Variants in KCNQ1OT1 observed in about 807,000 individuals in gnomAD.
KCNQ1OT1 encodes KCNQ1 opposite strand/antisense transcript 1, also known as KCNQ1 antisense RNA 2 (non-protein coding).
At chr11:2,632,200 A>G (rs975554051) in exon 1 of KCNQ1OT1, 20 of 397,834 alleles carry the variant, frequency 5.0e-5, no homozygotes, top group South Asian at 2.6e-4. Flanking sequence ...AAAAAAAAAA[A>G]AAAGAAATGC....
chr11:2,609,316 CAT>C lies in KCNQ1OT1; in HGVS notation n.90677_90678del, dbSNP rs1263527036. On this transcript the variant is annotated non_coding_transcript_exon_variant, in exon 1 of 1. Coordinates refer to ENST00000597346, the Ensembl canonical transcript of KCNQ1OT1. ...AGAATGTAGTGTTGTTTAATTTCCA[CAT>C]GTGTATGTTTCCCTAATTTCTTTGC... The C allele has an allele frequency of 2.5e-5, 10 of 398,340 alleles. No homozygotes were observed. The Admixed American group carries it at 4.0e-4, about 16-fold the overall frequency. 24.7% of individuals were successfully genotyped at this position (398,340 alleles called of 1,614,324 possible). A position where few individuals can be genotyped will look rare whatever the true frequency, so the allele number is the denominator to read the frequency against.
At chr11:2,699,527 GCTGAGGAGGCC>G (rs1850741070) in exon 1 of KCNQ1OT1, 1 of 335,504 alleles carries the variant, frequency 3.0e-6, no homozygotes, top group East Asian at 5.2e-5. Context: ...AGAGTGCCGC[GCTGAGGAGGCC>G]CAGGGAGGAC....
exon 1 of KCNQ1OT1, chr11:2,640,772 T>C: frequency 2.5e-6 from 1 of 398,582 alleles, no homozygotes; most frequent in Admixed American, 4.4e-5. Flanking sequence ...ACATTATAAA[T>C]TATTTATTCT....
chr11:2,628,669 A>G (rs1849300472), exon 1 of KCNQ1OT1: 3 of 398,134 alleles, frequency 7.5e-6, no homozygotes, highest in African/African-American at 2.1e-5. Flanking sequence ...TTTGCGTTTT[A>G]TTCCTTGTGC....
chr11:2,620,443 T>G lies in KCNQ1OT1; in HGVS notation n.79552A>C, dbSNP rs1849151076. 1 of 289,528 alleles carries G rather than the reference T, an allele frequency of 3.5e-6. No individual in the cohort carries two copies. The highest frequency in any genetic ancestry group is 2.2e-5 in the African/African-American group (1 of 46,128). 17.9% of individuals were successfully genotyped at this position (289,528 alleles called of 1,614,324 possible). On this transcript the variant is annotated non_coding_transcript_exon_variant, in exon 1 of 1. Transcript: ENST00000597346. This position sits in a 1 kb window ranked among gnomAD's most constrained non-coding sequence, Gnocchi z 4.5. ...GTTGGTCAGGCTGGTCTCGAACTCCTGACCTCAGGTGATCCACCCGCCTTG... is the reference window on the plus strand; with the variant it reads ...GTTGGTCAGGCTGGTCTCGAACTCCGGACCTCAGGTGATCCACCCGCCTTG...
At position 2,611,902 on chromosome 11, in the gene KCNQ1OT1, A is replaced by G. The variant is rs139492933; in HGVS notation, n.88093T>C. 584 of 398,536 alleles carry G rather than the reference A, an allele frequency of 1.5e-3. 1 individual carries two copies. Among genetic ancestry groups the G allele is most frequent in the African/African-American group, 0.01 (501 of 48,746 alleles). The allele number at this position is 398,536 out of a possible 1,614,324, so 24.7% of individuals were successfully genotyped here. ...TAAAGTGTAATCTGGAGGTTACAAT[A>G]AGCAGCTTAAGCAAAAACAATCTGC... On this transcript the variant is annotated non_coding_transcript_exon_variant, in exon 1 of 1. Transcript: ENST00000597346. This position sits in a 1 kb window ranked among gnomAD's most constrained non-coding sequence, Gnocchi z 5.3.
chr11:2,625,685 C>T (rs1194648519), exon 1 of KCNQ1OT1: 3 of 397,272 alleles, frequency 7.6e-6, no homozygotes, highest in Non-Finnish European at 1.3e-5. Flanking sequence ...ACATCATTCT[C>T]CTGCCTCCCG....
At position 2,661,921 on chromosome 11, in the gene KCNQ1OT1, GT is replaced by G. The variant is rs1227037407; in HGVS notation, n.38073del. On this transcript the variant is annotated non_coding_transcript_exon_variant, in exon 1 of 1. Coordinates refer to ENST00000597346, the Ensembl canonical transcript of KCNQ1OT1. The surrounding 1 kb of genome is among the most constrained non-coding windows in gnomAD (Gnocchi z 5.9). ...TGGCTCCACAGCACTGGCAGGTTGG[GT>G]GGGAGGCCTAACGTGCTGTCCCCAC... The G allele has an allele frequency of 4.3e-6, 7 of 1,613,720 alleles. No individual in the cohort carries two copies. In the African/African-American group the frequency reaches 8.0e-5, roughly 18 times the overall value.
At chr11:2,686,366 C>T (rs1449322687) in exon 1 of KCNQ1OT1, 1 of 398,582 alleles carries the variant, frequency 2.5e-6, no homozygotes, top group African/African-American at 2.1e-5. Context: ...CTCACTTGGG[C>T]TTATCAGCAG....
In KCNQ1OT1 at chr11:2,652,901, C is replaced by T. The variant is rs1849779345; in HGVS notation, n.47094G>A. 1 of 398,528 alleles carries T rather than the reference C, an allele frequency of 2.5e-6. No individual in the cohort carries two copies. The highest frequency in any genetic ancestry group is 4.4e-6 in the Non-Finnish European group (1 of 226,098). The allele number at this position is 398,528 out of a possible 1,614,324, so 24.7% of individuals were successfully genotyped here. A position where few individuals can be genotyped will look rare whatever the true frequency, so the allele number is the denominator to read the frequency against. ...TGTTTGGGGTGTGGGGTGTGGTCCT[C>T]AGTATCCTAAACTTAGGTTTTGGAA... On this transcript the variant is annotated non_coding_transcript_exon_variant, in exon 1 of 1. Transcript: ENST00000597346. This position sits in a 1 kb window ranked among gnomAD's most constrained non-coding sequence, Gnocchi z 5.9.
Position 2,668,770 on chromosome 11 carries a change from G to T in KCNQ1OT1, n.31225C>A. On this transcript the variant is annotated non_coding_transcript_exon_variant, in exon 1 of 1. Transcript: ENST00000597346. This position sits in a 1 kb window ranked among gnomAD's most constrained non-coding sequence, Gnocchi z 4.3. ...CAGGCTGCCTTCTTCCTCTCTTGATGGTGTCTTTTGATGAACAGAAGGTCT... is the reference window on the plus strand; with the variant it reads ...CAGGCTGCCTTCTTCCTCTCTTGATTGTGTCTTTTGATGAACAGAAGGTCT... The T allele has an allele frequency of 2.5e-6, 1 of 398,518 alleles. No individual in the cohort carries two copies. The highest frequency in any genetic ancestry group is 4.4e-6 in the Non-Finnish European group (1 of 226,056). 24.7% of individuals were successfully genotyped at this position (398,518 alleles called of 1,614,324 possible). A position where few individuals can be genotyped will look rare whatever the true frequency, so the allele number is the denominator to read the frequency against.
chr11:2,665,262 CCCTGAG>C (rs1767044943), exon 1 of KCNQ1OT1: 2 of 398,434 alleles, frequency 5.0e-6, no homozygotes, highest in Admixed American at 4.4e-5. Context: ...GCCTCAAACT[CCCTGAG>C]CCTGTGTCTC....
Position 2,664,743 on chromosome 11 carries a change from A to T in KCNQ1OT1, n.35252T>A. ...GCCCTGGTGTGTGTGAGGGACAGGG[A>T]TGTGTGCTGGGGTCTCACAGGGGGC... On this transcript the variant is annotated non_coding_transcript_exon_variant, in exon 1 of 1. Coordinates refer to ENST00000597346, the Ensembl canonical transcript of KCNQ1OT1. This position sits in a 1 kb window ranked among gnomAD's most constrained non-coding sequence, Gnocchi z 5.1. 5.0e-6 allele frequency: 2 copies of T among 398,726 alleles called. No homozygotes were observed. Among genetic ancestry groups the T allele is most frequent in the Non-Finnish European group, 8.8e-6 (2 of 226,154 alleles). The allele number at this position is 398,726 out of a possible 1,614,324, so 24.7% of individuals were successfully genotyped here. A position where few individuals can be genotyped will look rare whatever the true frequency, so the allele number is the denominator to read the frequency against.
Position 2,627,425 on chromosome 11 carries a change from C to CT in KCNQ1OT1, n.72569dup. The CT allele has an allele frequency of 2.5e-6, 1 of 398,516 alleles. No individual in the cohort carries two copies. The highest frequency in any genetic ancestry group is 4.4e-6 in the Non-Finnish European group (1 of 226,020). The allele number at this position is 398,516 out of a possible 1,614,324, so 24.7% of individuals were successfully genotyped here. On this transcript the variant is annotated non_coding_transcript_exon_variant, in exon 1 of 1. Coordinates refer to ENST00000597346, the Ensembl canonical transcript of KCNQ1OT1. This position sits in a 1 kb window ranked among gnomAD's most constrained non-coding sequence, Gnocchi z 4.9. ...TCAAGAACTTATTCATCTGATAACT[C>CT]TATGTTTGTACCCTTCAACATTTCC...
rs947887752 is a variant in KCNQ1OT1, at chr11:2,663,828, A to G, written n.36167T>C. Reference sequence around the variant, plus strand: ...GGGGGTGAGGGCTGCCAGTGCTGGTATCAGCACATGCCAAGCTCCCTGGAG... The same window carrying G: ...GGGGGTGAGGGCTGCCAGTGCTGGTGTCAGCACATGCCAAGCTCCCTGGAG... On this transcript the variant is annotated non_coding_transcript_exon_variant, in exon 1 of 1. Coordinates refer to ENST00000597346, the Ensembl canonical transcript of KCNQ1OT1. This position sits in a 1 kb window ranked among gnomAD's most constrained non-coding sequence, Gnocchi z 5.2. 5.0e-6 allele frequency: 2 copies of G among 398,462 alleles called. No individual in the cohort carries two copies. Among genetic ancestry groups the G allele is most frequent in the African/African-American group, 2.1e-5 (1 of 48,614 alleles). 24.7% of individuals were successfully genotyped at this position (398,462 alleles called of 1,614,324 possible).
rs1849205783 is a variant in KCNQ1OT1, at chr11:2,623,368, T to G, written n.76627A>C. ...TATAGTATCATACAGATACGTATAT[T>G]TACATATATTTGTACATTTTCACTG... On this transcript the variant is annotated non_coding_transcript_exon_variant, in exon 1 of 1. Transcript: ENST00000597346. The surrounding 1 kb of genome is among the most constrained non-coding windows in gnomAD (Gnocchi z 5.2). 2.5e-6 allele frequency: 1 copy of G among 398,496 alleles called. No individual in the cohort carries two copies. The highest frequency in any genetic ancestry group is 4.4e-5 in the Admixed American group (1 of 22,718). 24.7% of individuals were successfully genotyped at this position (398,496 alleles called of 1,614,324 possible).
In KCNQ1OT1 at chr11:2,620,913, G is replaced by A; in HGVS notation, n.79082C>T. 2.5e-6 allele frequency: 1 copy of A among 395,064 alleles called. No individual in the cohort carries two copies. Among genetic ancestry groups the A allele is most frequent in the Non-Finnish European group, 4.4e-6 (1 of 225,352 alleles). The allele number at this position is 395,064 out of a possible 1,614,324, so 24.5% of individuals were successfully genotyped here. On this transcript the variant is annotated non_coding_transcript_exon_variant, in exon 1 of 1. Coordinates refer to ENST00000597346, the Ensembl canonical transcript of KCNQ1OT1. The surrounding 1 kb of genome is among the most constrained non-coding windows in gnomAD (Gnocchi z 4.5). ...CTGGTGTGAGATGGCATCCCATTAT[G>A]GTTTGGTGTTTTTTTGTTGTTGTTG...
At chr11:2,672,002 G>A in exon 1 of KCNQ1OT1, 1 of 398,652 alleles carries the variant, frequency 2.5e-6, no homozygotes, top group Non-Finnish European at 4.4e-6. Context: ...AAGTCCTCGA[G>A]TGTATGTTGG....
At chr11:2,649,972 CTTCA>C in exon 1 of KCNQ1OT1, 1 of 398,422 alleles carries the variant, frequency 2.5e-6, no homozygotes, top group Non-Finnish European at 4.4e-6. Flanking sequence ...CGCAGGCATT[CTTCA>C]TTCTTTTTTA....
Sources: gnomAD v4.1 joint callset for allele counts on GRCh38, gnomAD v4.1.1 for gene constraint, Gnocchi (gnomAD v3.1) non-coding constraint, MANE v1.5 for transcripts, NCBI Gene and HGNC (gene_info 2026-07-23, HGNC 2026-07-21) for gene names.